RAB3GAP2: variants seen among roughly 807,000 people sequenced by gnomAD.
The protein encoded by RAB3GAP2 is rab3 GTPase-activating protein non-catalytic subunit.
A neutral mutation model predicts 185.3 loss-of-function variants in RAB3GAP2; 87 were observed. That is an observed-to-expected ratio of 0.47 (90% CI 0.39 to 0.56). The LOEUF is 0.56. Among genes scored for constraint, RAB3GAP2 ranks in the 20% least tolerant of loss-of-function variants. RAB3GAP2 has a pLI of 0.00. For synonymous variants in RAB3GAP2, 554 were observed against 576.1 expected, an observed-to-expected ratio of 0.96 and a Z score of 0.55; for missense variants, 1,492 against 1,638.2, an observed-to-expected ratio of 0.91 and a Z score of 1.54.
At chr1:220,179,959 C>A (rs185143967) in intron 21 of RAB3GAP2, among the ~76,000 whole-genome samples, 1 of 151,940 alleles carries the variant, frequency 6.6e-6, no homozygotes, top group Non-Finnish European at 1.5e-5. Context: ...GTCAAGAGAT[C>A]GAGACCATCC....
chr1:220,234,729 T>C (rs964191835), intron 1 of RAB3GAP2, among the ~76,000 whole-genome samples: 2 of 152,090 alleles, frequency 1.3e-5, no homozygotes, highest in African/African-American at 4.8e-5. Flanking sequence ...AGTGCAGTAA[T>C]GGACTACTAA....
intron 9 of RAB3GAP2, 147 bp downstream of exon 9, chr1:220,202,129 C>T (rs1287101180): frequency 4.9e-6 from 4 of 821,788 alleles, no homozygotes; most frequent in Non-Finnish European, 6.9e-6. Context: ...CATGCCACTG[C>T]ACTCCTGCCT....
chr1:220,218,474 C>A (rs577225650), intron 2 of RAB3GAP2, among the ~76,000 whole-genome samples: 2 of 152,192 alleles, frequency 1.3e-5, no homozygotes, highest in African/African-American at 4.8e-5. Context: ...TCATTCTGAG[C>A]AAACTATCGC....
intron 1 of RAB3GAP2, among the ~76,000 whole-genome samples, chr1:220,247,118 A>G (rs1659833561): frequency 6.6e-6 from 1 of 152,166 alleles, no homozygotes; most frequent in Non-Finnish European, 1.5e-5. Flanking sequence ...AGATGTTGGC[A>G]TGGATGTGTT....
intron 9 of RAB3GAP2, among the ~76,000 whole-genome samples, chr1:220,200,935 T>C (rs538830960): frequency 4.0e-4 from 61 of 152,272 alleles, no homozygotes; most frequent in African/African-American, 1.4e-3. Context: ...CACATGCACA[T>C]AGATCTAGGG....
At chr1:220,212,618 C>T (rs533576975) in intron 4 of RAB3GAP2, among the ~76,000 whole-genome samples, 1 of 152,176 alleles carries the variant, frequency 6.6e-6, no homozygotes, top group South Asian at 2.1e-4. Context: ...CTCAGCCTCC[C>T]GAGTAGCTGG....
Position 220,148,538 on chromosome 1 carries a change from ATAGTG to A in RAB3GAP2, c.*2708_*2712del, listed in dbSNP as rs1657666918. 6.6e-6 allele frequency: 1 copy of A among 152,290 alleles called. No individual in the cohort carries two copies. The highest frequency in any genetic ancestry group is 2.1e-4 in the South Asian group (1 of 4,830). 9.4% of individuals were successfully genotyped at this position (152,290 alleles called of 1,614,324 possible). A position where few individuals can be genotyped will look rare whatever the true frequency, so the allele number is the denominator to read the frequency against. ...GTGAGAGAGGGCTTTTGCTGTTGCTATAGTGTACTGTAAAAATATTTGTTCCTTAT... is the reference window on the plus strand; with the variant it reads ...GTGAGAGAGGGCTTTTGCTGTTGCTATACTGTAAAAATATTTGTTCCTTAT... On this transcript the variant is annotated 3_prime_UTR_variant, in exon 35 of 35. Coordinates refer to ENST00000358951, the MANE Select transcript of RAB3GAP2 (RefSeq NM_012414.4).
At position 220,234,166 on chromosome 1, in the gene RAB3GAP2, C is replaced by A. The variant is rs185885318; in HGVS notation, c.116-1303G>T. ...GGTAGGGTTGTTGTAAGGACTTACACCAGATAGCATACTAAAGTCCTCAGT... is the reference window on the plus strand; with the variant it reads ...GGTAGGGTTGTTGTAAGGACTTACAACAGATAGCATACTAAAGTCCTCAGT... On this transcript the variant is annotated intron_variant, in intron 1 of 34. Coordinates refer to ENST00000358951, the MANE Select transcript of RAB3GAP2 (RefSeq NM_012414.4). 2.4e-4 allele frequency among the ~76,000 whole-genome samples: 37 copies of A among 152,298 alleles called. 1 individual carries two copies. The highest frequency in any genetic ancestry group is 2.2e-3 in the Admixed American group (33 of 15,300).
chr1:220,197,816 G>A (rs1429189331), intron 9 of RAB3GAP2, among the ~76,000 whole-genome samples: 1 of 152,102 alleles, frequency 6.6e-6, no homozygotes, highest in Non-Finnish European at 1.5e-5. Flanking sequence ...GGAAATGGCT[G>A]ATCAATCCTT....
intron 9 of RAB3GAP2, among the ~76,000 whole-genome samples, chr1:220,198,367 T>A (rs550912862): frequency 6.6e-6 from 1 of 152,300 alleles, no homozygotes; most frequent in Non-Finnish European, 1.5e-5. Flanking sequence ...CCATCCTCGA[T>A]CCTTTGAAAT....
intron 12 of RAB3GAP2, among the ~76,000 whole-genome samples, chr1:220,193,720 T>C (rs2102871129): frequency 6.6e-6 from 1 of 152,302 alleles, no homozygotes; most frequent in Non-Finnish European, 1.5e-5. Context: ...CACACAGGCA[T>C]CTTTTGTCTA....
Position 220,182,352 on chromosome 1 carries a change from T to C in RAB3GAP2, c.2215A>G (p.Ser739Gly), listed in dbSNP as rs572722938. The change falls in exon 21 of 35, where the codon AGT becomes GGT. Residue 739 changes from serine (S) to glycine (G), a missense_variant and splice_region_variant. Transcript: ENST00000358951. ...ISEEEYVALGSFFFWKCLHGE... is the reference protein window; with the variant it reads ...ISEEEYVALGGFFFWKCLHGE... ...TGCAAACACTTCCAAAAAAAGAAAC[T>C]ACCTGGTAGAAGAAAAACAAAGCAC... 9 of 1,613,908 alleles carry C rather than the reference T, an allele frequency of 5.6e-6. No homozygotes were observed. In the Admixed American group the frequency reaches 6.7e-5, roughly 12 times the overall value.
Position 220,182,306 on chromosome 1 carries a change from T to A in RAB3GAP2, c.2261A>T (p.Asp754Val), listed in dbSNP as rs779639135. The A allele has an allele frequency of 6.2e-7, 1 of 1,613,944 alleles. No homozygotes were observed. The change falls in exon 21 of 35, where the codon GAT (aspartate) becomes GTT (valine). Residue 754 changes from aspartate to valine, a missense_variant. Coordinates refer to ENST00000358951, the MANE Select transcript of RAB3GAP2 (RefSeq NM_012414.4). The part of the protein sequence containing the change: ...KCLHGESSTE[D>V]MCHTLESAGL... ...AGCCGACTCCAAAGTGTGACACATA[T>A]CCTCAGTGGAGCTTTCTCCATGCAA...
At position 220,172,690 on chromosome 1, in the gene RAB3GAP2, G is replaced by A. The variant is rs1259032426; in HGVS notation, c.2363C>T (p.Pro788Leu). The A allele has an allele frequency of 6.2e-7, 1 of 1,613,160 alleles. No homozygotes were observed. Residue 788 changes from proline (P) to leucine (L), a missense_variant, in exon 22 of 35, where the codon CCA (proline) becomes CTA (leucine). Pro to Leu is a moderately conservative substitution (Grantham distance 98). This residue lies in a region of RAB3GAP2 where 681 missense variants were observed against 689.1 expected (regional missense o/e 0.99). Transcript: ENST00000358951. ...LSKEKDILDK[P>L]QSICCLHTML... ...GGTATGAAGACAGCAGATTGACTGT[G>A]GTTTATCCAAAATATCCTTTTCCTT...
chr1:220,240,681 G>A (rs552854558), intron 1 of RAB3GAP2, among the ~76,000 whole-genome samples: 2 of 152,152 alleles, frequency 1.3e-5, no homozygotes, highest in African/African-American at 2.4e-5. Flanking sequence ...AAATAAAGAG[G>A]AGCGAGATAA....
intron 21 of RAB3GAP2, among the ~76,000 whole-genome samples, chr1:220,179,757 T>C (rs1423020282): frequency 6.6e-6 from 1 of 152,112 alleles, no homozygotes; most frequent in Non-Finnish European, 1.5e-5. Context: ...GACATGCTAC[T>C]GAACAACCAA....
intron 1 of RAB3GAP2, among the ~76,000 whole-genome samples, chr1:220,239,974 T>C (rs1308581149): frequency 7.1e-6 from 1 of 141,378 alleles, no homozygotes; most frequent in African/African-American, 2.7e-5. Flanking sequence ...ATAAACACCA[T>C]GCCATTTTGA....
chr1:220,172,173 G>A, intron 22 of RAB3GAP2, 124 bp from the exon 23 acceptor site: 1 of 898,426 alleles, frequency 1.1e-6, no homozygotes, highest in Non-Finnish European at 1.8e-6. Flanking sequence ...ATTTCTCAAT[G>A]AAGTGGAAGT....
At chr1:220,198,168 C>A (rs113895364) in intron 9 of RAB3GAP2, among the ~76,000 whole-genome samples, 4 of 152,326 alleles carry the variant, frequency 2.6e-5, no homozygotes, top group African/African-American at 9.6e-5. Flanking sequence ...TCGTTTCCCC[C>A]TACACACATA....
Sources: allele counts gnomAD v4.1 joint callset (sites outside exome capture counted in the v4.1 genomes callset), GRCh38; gene constraint gnomAD v4.1.1; regional missense constraint gnomAD v4.1.1; transcripts MANE v1.5; gene names NCBI Gene and HGNC (gene_info 2026-07-23, HGNC 2026-07-21).